The following PREX1 variants were observed in gnomAD, a reference collection of about 807,000 sequenced individuals.
PREX1 encodes the protein phosphatidylinositol-3,4,5-trisphosphate dependent Rac exchange factor 1, also known as phosphatidylinositol 3,4,5-trisphosphate-dependent Rac exchanger 1 protein.
A neutral mutation model predicts 198.3 loss-of-function variants in PREX1; 41 were observed. The ratio of observed to expected loss-of-function variants is 0.21; its 90% CI spans 0.16 to 0.27. PREX1 has a LOEUF of 0.27. Ranked by LOEUF, PREX1 falls within the 10% of genes least tolerant of loss-of-function variation. The pLI, the probability that PREX1 is intolerant of heterozygous loss-of-function variation, is 1.00. For synonymous variants in PREX1, 843 were observed against 887.2 expected, an observed-to-expected ratio of 0.95 and a Z score of 0.89; for missense variants, 1,620 against 2,200.7, an observed-to-expected ratio of 0.74 and a Z score of 5.28.
At chr20:48,705,074 G>A (rs1273390773) in intron 6 of PREX1, among the ~76,000 whole-genome samples, 2 of 152,202 alleles carry the variant, frequency 1.3e-5, no homozygotes, top group African/African-American at 2.4e-5. Context: ...TGTATTGGGC[G>A]TTTTCTCTGA....
chr20:48,742,869 G>A (rs2122757660), intron 3 of PREX1, among the ~76,000 whole-genome samples: 1 of 152,162 alleles, frequency 6.6e-6, no homozygotes, highest in South Asian at 2.1e-4. Flanking sequence ...CACAGCCTCT[G>A]GGGCTCAGAC....
chr20:48,686,053 C>G (rs1040699877), intron 10 of PREX1, among the ~76,000 whole-genome samples: 1 of 152,136 alleles, frequency 6.6e-6, no homozygotes, highest in Admixed American at 6.5e-5. Flanking sequence ...GCACCAGTGT[C>G]GCTTTGTGAT....
upstream of PREX1, among the ~76,000 whole-genome samples, chr20:48,828,798 C>T (rs1249367953): frequency 6.6e-6 from 1 of 152,236 alleles, no homozygotes; most frequent in African/African-American, 2.4e-5. Flanking sequence ...TGGCAGGTAC[C>T]CTGCCTGCTC....
intron 1 of PREX1, among the ~76,000 whole-genome samples, chr20:48,803,351 G>A (rs1397205032): frequency 6.6e-6 from 1 of 152,140 alleles, no homozygotes; most frequent in African/African-American, 2.4e-5. Context: ...AGCATATGCG[G>A]GTGGGGGAGG....
intron 5 of PREX1, among the ~76,000 whole-genome samples, chr20:48,721,438 G>A (rs1435478801): frequency 6.6e-6 from 1 of 152,236 alleles, no homozygotes; most frequent in East Asian, 1.9e-4. Flanking sequence ...CAAAGATGAA[G>A]AGTGAGCCTC....
rs1392090465 is a variant in PREX1, at chr20:48,728,528, C to T, written c.520-2137G>A. Among the ~76,000 whole-genome samples the T allele has an allele frequency of 2.6e-5, 4 of 152,246 alleles. No homozygotes were observed. The East Asian group carries it at 7.7e-4, about 29-fold the overall frequency. ...TGAATGGCCCCCACCAGTGTTTACC[C>T]CTGGCACAGATGGGGGATTGAGGCT... is the stretch of plus-strand genomic sequence containing the variant. On this transcript the variant is annotated intron_variant, in intron 4 of 39. Coordinates refer to ENST00000371941, the MANE Select transcript of PREX1 (RefSeq NM_020820.4).
chr20:48,637,617 C>G, intron 31 of PREX1, 94 bp downstream of exon 31: 3 of 1,289,014 alleles, frequency 2.3e-6, no homozygotes, highest in Non-Finnish European at 3.2e-6. Context: ...AAAGCGTTGC[C>G]TCCCCCCGTC....
Position 48,642,260 on chromosome 20 carries a change from TG to T in PREX1, c.3685-3del, listed in dbSNP as rs1440461524. 1.2e-6 allele frequency: 2 copies of T among 1,614,052 alleles called. No homozygotes were observed. Among genetic ancestry groups the T allele is most frequent in the Non-Finnish European group, 1.7e-6 (2 of 1,179,992 alleles). ...GAGGAGAGCATTGATGGAGTCCACC[TG>T]GGTGGCAAGAAGCCTGGGGTTGGTT... On this transcript the variant is annotated splice_region_variant and splice_polypyrimidine_tract_variant and intron_variant, in intron 28 of 39. Transcript: ENST00000371941.
At chr20:48,853,884 C>A in the PREX1 span, among the ~76,000 whole-genome samples, 1 of 151,998 alleles carries the variant, frequency 6.6e-6, no homozygotes, top group East Asian at 1.9e-4. Context: ...GAAAACTCTT[C>A]ATAAACTGTC....
the PREX1 span, among the ~76,000 whole-genome samples, chr20:48,878,040 C>T: frequency 6.6e-6 from 1 of 151,976 alleles, no homozygotes; most frequent in African/African-American, 2.4e-5. Flanking sequence ...ACCCAGGAAG[C>T]GGAGGTTGCA....
At chr20:48,818,728 G>A (rs549577793) in intron 1 of PREX1, among the ~76,000 whole-genome samples, 2 of 152,326 alleles carry the variant, frequency 1.3e-5, no homozygotes, top group African/African-American at 2.4e-5. Flanking sequence ...GTGGAGTACC[G>A]ATCCCGCCAA....
At chr20:48,849,369 T>C in the PREX1 span, 2 of 152,182 alleles carry the variant, frequency 1.3e-5, no homozygotes, top group African/African-American at 2.4e-5. Context: ...GATATATATA[T>C]AGTATTGTTT....
chr20:48,637,920 A>G (rs572033735), intron 30 of PREX1, among the ~76,000 whole-genome samples, 168 bp from the exon 31 acceptor site: 14 of 152,312 alleles, frequency 9.2e-5, no homozygotes, highest in Admixed American at 7.2e-4. Flanking sequence ...ATTGTCAGGT[A>G]AACTCCAGGA....
At chr20:48,748,811 T>C (rs959536823) in intron 1 of PREX1, among the ~76,000 whole-genome samples, 2 of 151,886 alleles carry the variant, frequency 1.3e-5, no homozygotes, top group African/African-American at 4.8e-5. Flanking sequence ...CCACCAGAGG[T>C]TCGGATTTGG....
intron 13 of PREX1, among the ~76,000 whole-genome samples, chr20:48,678,537 C>T (rs553227789): frequency 1.3e-5 from 2 of 152,092 alleles, no homozygotes; most frequent in African/African-American, 2.4e-5. Context: ...TGTGTCCCCA[C>T]CCAAATCTCA....
chr20:48,875,950 G>A, the PREX1 span, among the ~76,000 whole-genome samples: 1 of 152,144 alleles, frequency 6.6e-6, no homozygotes, highest in Non-Finnish European at 1.5e-5. Flanking sequence ...GGGGAATGCT[G>A]GACCGTTCAC....
chr20:48,827,263 T>G lies in PREX1; in HGVS notation c.219+379A>C, dbSNP rs6019443. On this transcript the variant is annotated intron_variant, in intron 1 of 39. Coordinates refer to ENST00000371941, the MANE Select transcript of PREX1 (RefSeq NM_020820.4). This position sits in a 1 kb window ranked among gnomAD's most constrained non-coding sequence, Gnocchi z 4.1. ...CTAGATGAGTGGTGCACCGGGCGCG[T>G]AGTTATTCCTGGGAAAAAGACGCAG... is the stretch of plus-strand genomic sequence containing the variant. 6.6e-6 allele frequency among the ~76,000 whole-genome samples: 1 copy of G among 152,318 alleles called. No homozygotes were observed. Among genetic ancestry groups the G allele is most frequent in the African/African-American group, 2.4e-5 (1 of 41,560 alleles).
rs1489471127 is a variant in PREX1 at position 48,827,584 on chromosome 20, C to G, written c.219+58G>C. Reference sequence around the variant, plus strand: ...GACCACGGCCACAGGTTGTGGGGACCGCAGCGGGGCGAGCGGCTGGAGGGA... The same window carrying G: ...GACCACGGCCACAGGTTGTGGGGACGGCAGCGGGGCGAGCGGCTGGAGGGA... On this transcript the variant is annotated intron_variant, in intron 1 of 39. Transcript: ENST00000371941. This position sits in a 1 kb window ranked among gnomAD's most constrained non-coding sequence, Gnocchi z 4.1. 1 of 1,165,746 alleles carries G rather than the reference C, an allele frequency of 8.6e-7. No homozygotes were observed. Among genetic ancestry groups the G allele is most frequent in the Non-Finnish European group, 1.1e-6 (1 of 922,684 alleles). The allele number at this position is 1,165,746 out of a possible 1,614,324, so 72.2% of individuals were successfully genotyped here.
the PREX1 span, among the ~76,000 whole-genome samples, chr20:48,882,525 A>AGAG: frequency 4.1e-5 from 4 of 97,814 alleles, no homozygotes; most frequent in African/African-American, 7.7e-5. Flanking sequence ...AAAAAAAAAA[A>AGAG]AGAGAGAATC....
Sources: gnomAD v4.1 joint callset for allele counts (sites outside exome capture counted in the v4.1 genomes callset) on GRCh38, gnomAD v4.1.1 for gene constraint, Gnocchi (gnomAD v3.1) non-coding constraint, MANE v1.5 for transcripts, NCBI Gene and HGNC (gene_info 2026-07-23, HGNC 2026-07-21) for gene names.